FREM1: variants seen among roughly 807,000 people sequenced by gnomAD.
FREM1 encodes FRAS1-related extracellular matrix protein 1.
FREM1 carries 220 observed loss-of-function variants against 210.1 expected under a neutral mutation model. The ratio of observed to expected loss-of-function variants is 1.05; its 90% confidence interval spans 0.94 to 1.17. The LOEUF is 1.17. FREM1 is among the 50% of genes most tolerant of loss of function. The probability of loss-of-function intolerance (pLI) is 0.00; values close to 1 mark genes in which losing one functional copy is unlikely to be tolerated. For synonymous variants in FREM1, 1,189 were observed against 980.2 expected (o/e 1.21, Z -3.98); for missense variants, 3,454 against 2,675.5 (o/e 1.29, Z -6.42).
intron 19 of FREM1, 55 bp from the exon 20 acceptor site, chr9:14,801,929 CT>C: frequency 2.4e-6 from 3 of 1,272,196 alleles, no homozygotes; most frequent in Non-Finnish European, 3.3e-6. Context: ...ACTTGTCTTT[CT>C]TTGGAAAACT....
At chr9:14,861,390 C>G (rs891794991) in intron 3 of FREM1, among the ~76,000 whole-genome samples, 2 of 146,652 alleles carry the variant, frequency 1.4e-5, no homozygotes, top group Non-Finnish European at 3.0e-5. Context: ...TATATGTACA[C>G]ATATATATGT....
chr9:14,861,304 C>T (rs1201830187), intron 3 of FREM1, among the ~76,000 whole-genome samples: 1 of 104,202 alleles, frequency 9.6e-6, no homozygotes, highest in African/African-American at 6.2e-5. Context: ...CATATATACA[C>T]ATATATACAT....
At chr9:14,826,144 G>A (rs944539871) in intron 10 of FREM1, among the ~76,000 whole-genome samples, 5 of 147,108 alleles carry the variant, frequency 3.4e-5, no homozygotes, top group African/African-American at 1.3e-4. Flanking sequence ...ACAGGCTGGA[G>A]TGCAGTGGTG....
intron 24 of FREM1, 176 bp from the exon 25 acceptor site, chr9:14,776,379 A>G (rs554841804): frequency 3.4e-4 from 200 of 584,138 alleles, no homozygotes; most frequent in Non-Finnish European, 4.8e-4. Flanking sequence ...CACTAGAGTA[A>G]TGCATAAATG....
chr9:14,863,479 A>G (rs1048296845), intron 3 of FREM1, among the ~76,000 whole-genome samples: 33 of 152,184 alleles, frequency 2.2e-4, no homozygotes, highest in African/African-American at 7.2e-4. Context: ...CCTGATTTTC[A>G]TTAAGAATTT....
In FREM1 at chr9:14,806,722, G is replaced by C. The variant is rs1818441601; in HGVS notation, c.3213C>G (p.Gly1071=). 6.2e-7 allele frequency: 1 copy of C among 1,603,740 alleles called. No individual in the cohort carries two copies. The highest frequency in any genetic ancestry group is 8.5e-7 in the Non-Finnish European group (1 of 1,174,740). Reference sequence around the variant, plus strand: ...CAGAAGGGAGTATATTTTCGAGGTAGCCAAACTGAGGAGGAGAAACCAAAA... The same window carrying C: ...CAGAAGGGAGTATATTTTCGAGGTACCCAAACTGAGGAGGAGAAACCAAAA... The part of the protein sequence containing the change: ...EFVLVSPPQF[G]YLENILPSVG... The change falls in exon 18 of 37, where the codon GGC becomes GGG. Residue 1071 remains glycine (G), a synonymous_variant. Coordinates refer to ENST00000380880, the MANE Select transcript of FREM1 (RefSeq NM_001379081.2).
intron 35 of FREM1, among the ~76,000 whole-genome samples, chr9:14,742,323 A>T (rs2131905786): frequency 6.6e-6 from 1 of 152,224 alleles, no homozygotes; most frequent in African/African-American, 2.4e-5. Flanking sequence ...GGTTCCAGAC[A>T]CTCCTGCGGG....
At chr9:14,754,375 G>A (rs180974617) in intron 29 of FREM1, among the ~76,000 whole-genome samples, 1 of 152,318 alleles carries the variant, frequency 6.6e-6, no homozygotes, top group East Asian at 1.9e-4. Flanking sequence ...ACAAAAGGAG[G>A]TCAGCTGGAA....
intron 5 of FREM1, among the ~76,000 whole-genome samples, chr9:14,856,162 C>A (rs1441881738): frequency 1.2e-4 from 19 of 152,140 alleles, no homozygotes; most frequent in Admixed American, 2.0e-4. Context: ...AAGTATTTAT[C>A]ATTTAATCCT....
At chr9:14,831,181 G>A (rs1823491507) in intron 10 of FREM1, among the ~76,000 whole-genome samples, 2 of 152,168 alleles carry the variant, frequency 1.3e-5, no homozygotes, top group South Asian at 4.1e-4. Flanking sequence ...AAAGGCCTCT[G>A]GACCGGACAC....
chr9:14,778,491 C>T (rs1057151877), intron 24 of FREM1, among the ~76,000 whole-genome samples: 1 of 148,224 alleles, frequency 6.7e-6, no homozygotes, highest in African/African-American at 2.5e-5. Flanking sequence ...GCCTGTAGCC[C>T]CAGCTACTAG....
chr9:14,871,433 T>C (rs1053263566), intron 1 of FREM1, among the ~76,000 whole-genome samples: 4 of 152,164 alleles, frequency 2.6e-5, no homozygotes, highest in African/African-American at 7.2e-5. Flanking sequence ...TCATGTGTTA[T>C]TTGGCTGCAT....
chr9:14,897,875 T>C (rs567015525), intron 1 of FREM1, among the ~76,000 whole-genome samples: 4 of 152,238 alleles, frequency 2.6e-5, no homozygotes, highest in Non-Finnish European at 5.9e-5. Context: ...ATTATAGGCA[T>C]GAGCCATCAA....
chr9:14,754,350 A>C (rs1843907155), intron 29 of FREM1, among the ~76,000 whole-genome samples: 1 of 152,194 alleles, frequency 6.6e-6, no homozygotes, highest in Non-Finnish European at 1.5e-5. Flanking sequence ...CCCATATATA[A>C]CAGGATCTCT....
intron 27 of FREM1, among the ~76,000 whole-genome samples, chr9:14,761,666 T>C (rs924782827): frequency 6.6e-6 from 1 of 152,224 alleles, no homozygotes; most frequent in Non-Finnish European, 1.5e-5. Context: ...TTAAACATCA[T>C]GCTGTTCTGA....
In FREM1 at chr9:14,801,689, T is replaced by C. The variant is rs10738380; in HGVS notation, c.3657A>G (p.Ala1219=). 0.22 allele frequency: 358,236 copies of C among 1,613,132 alleles called. 41,203 individuals are homozygous for C. The highest frequency in any genetic ancestry group is 0.24 in the South Asian group (21,827 of 91,064). Residue 1219 remains alanine, a synonymous_variant, in exon 20 of 37, where the codon GCA becomes GCG. Coordinates refer to ENST00000380880, the MANE Select transcript of FREM1 (RefSeq NM_001379081.2). ...KQPANPHQKH[A]PVHSFSMELL... ...GTTCCATGGAAAAGCTGTGAACAGG[T>C]GCATGTTTCTGGTGAGGGTTGGCTG...
intron 22 of FREM1, among the ~76,000 whole-genome samples, chr9:14,790,109 C>T (rs1287874479): frequency 6.6e-6 from 1 of 152,138 alleles, no homozygotes; most frequent in Non-Finnish European, 1.5e-5. Context: ...TGAACCTAAA[C>T]AATGGGGGCT....
At chr9:14,884,951 G>A (rs530963445) in intron 1 of FREM1, among the ~76,000 whole-genome samples, 5 of 114,702 alleles carry the variant, frequency 4.4e-5, no homozygotes, top group East Asian at 2.8e-4. Context: ...TTGAGACGGA[G>A]TCTCGCTCTG....
intron 3 of FREM1, among the ~76,000 whole-genome samples, chr9:14,861,563 G>A (rs1830597480): frequency 7.0e-6 from 1 of 142,318 alleles, no homozygotes; most frequent in South Asian, 2.2e-4. Flanking sequence ...CTGGAGTGCA[G>A]TGCTGTAATC....
Sources: allele counts gnomAD v4.1 joint callset (sites outside exome capture counted in the v4.1 genomes callset), GRCh38; gene constraint gnomAD v4.1.1; transcripts MANE v1.5; gene names NCBI Gene and HGNC (gene_info 2026-07-23, HGNC 2026-07-21).